TAS2R1: variants seen among roughly 807,000 people sequenced by gnomAD.
The protein encoded by TAS2R1 is taste 2 receptor member 1.
For synonymous variants in TAS2R1, 141 were observed against 134.2 expected, an observed-to-expected ratio of 1.05 and a Z score of -0.35; for missense variants, 370 against 353.4, an observed-to-expected ratio of 1.05 and a Z score of -0.38.
chr5:9,648,947 T>G (rs1740251673), intron 2 of TAS2R1, among the ~76,000 whole-genome samples: 1 of 152,172 alleles, frequency 6.6e-6, no homozygotes, highest in South Asian at 2.1e-4. Flanking sequence ...CTTAACACTC[T>G]TTTATCTGGC....
the TAS2R1 span, among the ~76,000 whole-genome samples, chr5:9,829,886 G>T: frequency 1.3e-5 from 2 of 152,238 alleles, no homozygotes; most frequent in East Asian, 1.9e-4. Flanking sequence ...ACACAAAAGG[G>T]GGGAATGAAT....
chr5:9,867,352 A>C, the TAS2R1 span, among the ~76,000 whole-genome samples: 1 of 152,244 alleles, frequency 6.6e-6, no homozygotes, highest in African/African-American at 2.4e-5. Flanking sequence ...GGTTTAATTG[A>C]CTCACAGTTC....
chr5:9,703,083 T>C (rs1204892478), intron 1 of TAS2R1, among the ~76,000 whole-genome samples: 5 of 152,228 alleles, frequency 3.3e-5, no homozygotes, highest in Non-Finnish European at 5.9e-5. Context: ...GACACTTTAC[T>C]GGCCTCCTGA....
chr5:9,651,516 G>T (rs1740305100), intron 2 of TAS2R1, among the ~76,000 whole-genome samples: 1 of 152,056 alleles, frequency 6.6e-6, no homozygotes, highest in Admixed American at 6.6e-5. Flanking sequence ...GAGAAATGAT[G>T]ATTCATATTC....
chr5:9,738,862 T>C, the TAS2R1 span, among the ~76,000 whole-genome samples: 1 of 152,118 alleles, frequency 6.6e-6, no homozygotes, highest in Non-Finnish European at 1.5e-5. Flanking sequence ...TCTTCCTGCA[T>C]ACACATATGT....
the TAS2R1 span, among the ~76,000 whole-genome samples, chr5:9,846,818 A>C: frequency 1.3e-5 from 2 of 152,206 alleles, no homozygotes; most frequent in Admixed American, 6.5e-5. Context: ...TGAAAACAAA[A>C]CCAAGCCCAC....
chr5:9,700,036 CA>C lies in TAS2R1; in HGVS notation c.-242+12135del, dbSNP rs1002230276. On this transcript the variant is annotated intron_variant, in intron 1 of 2. Coordinates refer to the TAS2R1 transcript ENST00000506620. ...ATGCATTCCAGTGTCTTTATTAACTCAAAAAAAAAATCTGGTGTTTAACCTT... is the reference window on the plus strand; with the variant it reads ...ATGCATTCCAGTGTCTTTATTAACTCAAAAAAAAATCTGGTGTTTAACCTT... Among the ~76,000 whole-genome samples the C allele has an allele frequency of 2.5e-4, 38 of 149,384 alleles. 1 individual carries two copies. The highest frequency in any genetic ancestry group is 6.8e-4 in the African/African-American group (28 of 40,908).
At chr5:9,724,544 G>C in the TAS2R1 span, among the ~76,000 whole-genome samples, 2 of 151,864 alleles carry the variant, frequency 1.3e-5, no homozygotes, top group African/African-American at 2.4e-5. Context: ...TCTTTATGTT[G>C]TCCTTAAGAA....
At chr5:9,654,976 A>G (rs1740380535) in intron 2 of TAS2R1, among the ~76,000 whole-genome samples, 1 of 152,240 alleles carries the variant, frequency 6.6e-6, no homozygotes, top group Non-Finnish European at 1.5e-5. Context: ...AGCTTTATTT[A>G]TAATAGCCCA....
the TAS2R1 span, among the ~76,000 whole-genome samples, chr5:9,768,349 C>A: frequency 6.6e-6 from 1 of 152,200 alleles, no homozygotes; most frequent in Admixed American, 6.5e-5. Flanking sequence ...TCTCTCCTCC[C>A]TAAAGCCTCT....
intron 1 of TAS2R1, among the ~76,000 whole-genome samples, chr5:9,660,356 G>A (rs900544846): frequency 6.6e-5 from 10 of 151,418 alleles, no homozygotes; most frequent in Middle Eastern, 3.4e-3. Context: ...GATTACAGGC[G>A]TGAGCCACCA....
chr5:9,857,558 C>T, the TAS2R1 span, among the ~76,000 whole-genome samples: 2,225 of 152,210 alleles, frequency 0.015, 40 homozygotes, highest in African/African-American at 0.047. Flanking sequence ...ACATCCTGCA[C>T]ATATACCCGA....
chr5:9,765,016 T>C, the TAS2R1 span, among the ~76,000 whole-genome samples: 233 of 152,236 alleles, frequency 1.5e-3, 1 homozygote, highest in Admixed American at 3.9e-3. Context: ...ATTTAGGATA[T>C]AAAATGTATT....
At chr5:9,793,619 T>C in the TAS2R1 span, among the ~76,000 whole-genome samples, 2 of 152,194 alleles carry the variant, frequency 1.3e-5, no homozygotes, top group Non-Finnish European at 2.9e-5. Context: ...GGACCAGGCC[T>C]GCAGTCTGGG....
At chr5:9,864,070 C>A in the TAS2R1 span, among the ~76,000 whole-genome samples, 1 of 152,128 alleles carries the variant, frequency 6.6e-6, no homozygotes, top group Non-Finnish European at 1.5e-5. Context: ...ACAAGTAGGC[C>A]AACAAAACAA....
chr5:9,719,768 A>T, the TAS2R1 span, among the ~76,000 whole-genome samples: 1 of 147,462 alleles, frequency 6.8e-6, no homozygotes, highest in Non-Finnish European at 1.5e-5. Flanking sequence ...TACAAAAAAA[A>T]TTAGCCGGGC....
At chr5:9,741,897 G>GT in the TAS2R1 span, among the ~76,000 whole-genome samples, 67 of 151,414 alleles carry the variant, frequency 4.4e-4, no homozygotes, top group Admixed American at 3.4e-3. Context: ...AAACAAGACT[G>GT]TTTTTTTTTA....
At chr5:9,749,734 T>C in the TAS2R1 span, among the ~76,000 whole-genome samples, 1 of 151,306 alleles carries the variant, frequency 6.6e-6, no homozygotes, top group Non-Finnish European at 1.5e-5. Flanking sequence ...GTCTTATAAG[T>C]CAAGTACAAA....
intron 2 of TAS2R1, among the ~76,000 whole-genome samples, chr5:9,656,070 A>T (rs542972725): frequency 2.0e-5 from 3 of 152,232 alleles, no homozygotes; most frequent in Admixed American, 6.5e-5. Context: ...CACTGCACTT[A>T]CTATCCAGTT....
Sources: allele counts gnomAD v4.1 joint callset (sites outside exome capture counted in the v4.1 genomes callset), GRCh38; gene constraint gnomAD v4.1.1; transcripts MANE v1.5; gene names NCBI Gene and HGNC (gene_info 2026-07-23, HGNC 2026-07-21).